FBXL7: variants seen among roughly 807,000 people sequenced by gnomAD.
FBXL7 encodes the protein F-box/LRR-repeat protein 7.
FBXL7 carries 12 observed loss-of-function variants against 38.3 expected under a neutral mutation model. The ratio of observed to expected loss-of-function variants is 0.31; its 90% CI spans 0.20 to 0.51. The LOEUF is 0.51. FBXL7 is among the 20% of genes least tolerant of loss of function. FBXL7 has a pLI of 0.98. For missense variants in FBXL7, 567 were observed against 676.4 expected (o/e 0.84, Z 1.79); for synonymous variants, 297 against 300.9 (o/e 0.99, Z 0.13).
chr5:15,508,635 A>G (rs1736711094), intron 1 of FBXL7, among the ~76,000 whole-genome samples: 4 of 152,186 alleles, frequency 2.6e-5, no homozygotes, highest in Admixed American at 2.0e-4. Context: ...GAAACATTCT[A>G]TCACATAATC....
chr5:15,731,209 T>C (rs754495563), intron 2 of FBXL7, among the ~76,000 whole-genome samples: 3 of 152,178 alleles, frequency 2.0e-5, no homozygotes, highest in Non-Finnish European at 4.4e-5. Context: ...TTCACGCTGC[T>C]GATAAAGACA....
At chr5:15,913,665 G>C (rs1056793434) in intron 2 of FBXL7, among the ~76,000 whole-genome samples, 1 of 152,188 alleles carries the variant, frequency 6.6e-6, no homozygotes, top group Non-Finnish European at 1.5e-5. Flanking sequence ...TGAGACTAAA[G>C]AATTATCTGA....
At chr5:15,886,719 C>T (rs550408002) in intron 2 of FBXL7, among the ~76,000 whole-genome samples, 6 of 152,256 alleles carry the variant, frequency 3.9e-5, no homozygotes, top group South Asian at 2.1e-4. Flanking sequence ...GCAGTGTACA[C>T]GGAGCCAAGG....
chr5:15,515,852 A>AT (rs1192902896), intron 1 of FBXL7, among the ~76,000 whole-genome samples: 10 of 152,162 alleles, frequency 6.6e-5, no homozygotes, highest in Non-Finnish European at 2.9e-5. Context: ...TAGTCATTTT[A>AT]TTACACTCAA....
intron 1 of FBXL7, chr5:15,501,737 C>T (rs1580339939): frequency 1.0e-6 from 1 of 985,436 alleles, no homozygotes; most frequent in Non-Finnish European, 1.2e-6. Flanking sequence ...GGTGTCTCTC[C>T]TCGTTTCTCA....
chr5:15,829,921 A>G (rs1738408411), intron 2 of FBXL7, among the ~76,000 whole-genome samples: 1 of 152,176 alleles, frequency 6.6e-6, no homozygotes, highest in South Asian at 2.1e-4. Context: ...CAGTATAATA[A>G]TTTGGGTAAT....
chr5:15,761,483 C>T (rs1306602906), intron 2 of FBXL7, among the ~76,000 whole-genome samples: 1 of 152,158 alleles, frequency 6.6e-6, no homozygotes, highest in Admixed American at 6.5e-5. Context: ...CAGAACTACA[C>T]CTTTATTTAT....
rs151123405 is a variant in FBXL7, at chr5:15,581,371, C to T, written c.38-34612C>T. 1.3e-3 allele frequency among the ~76,000 whole-genome samples: 196 copies of T among 152,200 alleles called. 1 individual carries two copies. Among genetic ancestry groups the T allele is most frequent in the African/African-American group, 4.6e-3 (189 of 41,536 alleles). ...CACCGCCCATCCTCCATCTCCCCAC[C>T]CCTCACCCCCGGGCTGTGCCACAGT... On this transcript the variant is annotated intron_variant, in intron 1 of 3. Coordinates refer to ENST00000504595, the MANE Select transcript of FBXL7 (RefSeq NM_012304.5).
chr5:15,804,311 A>T (rs1737647966), intron 2 of FBXL7, among the ~76,000 whole-genome samples: 1 of 151,936 alleles, frequency 6.6e-6, no homozygotes, highest in Admixed American at 6.6e-5. Flanking sequence ...TTACAAAAAA[A>T]TTTAAGAACT....
At chr5:15,664,563 C>T (rs1159956768) in intron 2 of FBXL7, among the ~76,000 whole-genome samples, 4 of 150,466 alleles carry the variant, frequency 2.7e-5, no homozygotes, top group Non-Finnish European at 4.4e-5. Flanking sequence ...CCTCCGCCTC[C>T]CGGGTTCAAG....
intron 1 of FBXL7, chr5:15,501,487 T>G (rs1485878782): frequency 2.0e-6 from 2 of 985,464 alleles, no homozygotes; most frequent in Non-Finnish European, 2.4e-6. Flanking sequence ...CTGATACGCA[T>G]AAGGCAAAGG....
At chr5:15,804,173 C>T (rs1737644065) in intron 2 of FBXL7, among the ~76,000 whole-genome samples, 1 of 151,980 alleles carries the variant, frequency 6.6e-6, no homozygotes, top group Non-Finnish European at 1.5e-5. Flanking sequence ...TCTACTTCTC[C>T]ACATTTAAAA....
At chr5:15,694,787 G>GA (rs1236648237) in intron 2 of FBXL7, among the ~76,000 whole-genome samples, 4 of 151,842 alleles carry the variant, frequency 2.6e-5, no homozygotes, top group African/African-American at 4.8e-5. Context: ...AGGTTGAGTG[G>GA]AAAAAAACAA....
At chr5:15,643,561 G>T (rs1191144902) in intron 2 of FBXL7, among the ~76,000 whole-genome samples, 1 of 152,124 alleles carries the variant, frequency 6.6e-6, no homozygotes, top group African/African-American at 2.4e-5. Context: ...GGAAATGTGG[G>T]TGGATGATGG....
chr5:15,865,715 T>C (rs911779513), intron 2 of FBXL7, among the ~76,000 whole-genome samples: 1 of 152,084 alleles, frequency 6.6e-6, no homozygotes, highest in East Asian at 1.9e-4. Context: ...CCCTCCTCCC[T>C]TCTCTCTCCT....
intron 2 of FBXL7, among the ~76,000 whole-genome samples, chr5:15,842,882 C>T (rs1191304589): frequency 6.6e-6 from 1 of 152,094 alleles, no homozygotes; most frequent in Non-Finnish European, 1.5e-5. Flanking sequence ...TTAAATTACC[C>T]AGTCTTGATT....
At chr5:15,801,667 GTGT>G (rs1561131729) in intron 2 of FBXL7, among the ~76,000 whole-genome samples, 2 of 144,490 alleles carry the variant, frequency 1.4e-5, no homozygotes, top group Non-Finnish European at 3.2e-5. Context: ...GCGCGCGCGC[GTGT>G]GTGTGTGTTT....
intron 2 of FBXL7, among the ~76,000 whole-genome samples, chr5:15,901,194 C>T (rs1029741540): frequency 2.6e-5 from 4 of 152,206 alleles, no homozygotes; most frequent in Non-Finnish European, 4.4e-5. Flanking sequence ...TTATAAACAA[C>T]AGAAATGTAT....
At chr5:15,863,540 A>C (rs1739572111) in intron 2 of FBXL7, among the ~76,000 whole-genome samples, 1 of 152,128 alleles carries the variant, frequency 6.6e-6, no homozygotes, top group African/African-American at 2.4e-5. Flanking sequence ...AATTCCTTTT[A>C]CTGTCTGGCA....
Sources: allele counts gnomAD v4.1 joint callset (sites outside exome capture counted in the v4.1 genomes callset), GRCh38; gene constraint gnomAD v4.1.1; transcripts MANE v1.5; gene names NCBI Gene and HGNC (gene_info 2026-07-23, HGNC 2026-07-21).